Variants in LINGO2 observed in about 807,000 individuals in gnomAD.
The protein encoded by LINGO2 is leucine-rich repeat and immunoglobulin-like domain-containing nogo receptor-interacting protein 2.
In LINGO2, 14 loss-of-function variants were observed where a neutral mutation model predicts 30.6. That is an observed-to-expected ratio of 0.46 (90% CI 0.30 to 0.72). LINGO2 has a LOEUF of 0.72. LINGO2 is among the 30% of genes least tolerant of loss of function. The pLI is 0.07. For synonymous variants in LINGO2, 317 were observed against 288.5 expected, an observed-to-expected ratio of 1.10 and a Z score of -1.00; for missense variants, 729 against 751.7, an observed-to-expected ratio of 0.97 and a Z score of 0.35.
chr9:28,117,615 G>T (rs528700718), intron 4 of LINGO2, among the ~76,000 whole-genome samples: 8 of 117,938 alleles, frequency 6.8e-5, no homozygotes, highest in Middle Eastern at 7.2e-3. Flanking sequence ...GTCTCGTGGT[G>T]CGCCGTTTCT....
At chr9:28,420,601 G>A (rs1207976660) in intron 2 of LINGO2, among the ~76,000 whole-genome samples, 1 of 152,038 alleles carries the variant, frequency 6.6e-6, no homozygotes, top group Non-Finnish European at 1.5e-5. Context: ...GCTATTGCTG[G>A]GGAGGGGCCA....
intron 4 of LINGO2, among the ~76,000 whole-genome samples, chr9:28,248,638 A>G (rs1822088573): frequency 6.6e-6 from 1 of 152,202 alleles, no homozygotes; most frequent in Admixed American, 6.5e-5. Context: ...TTGTAACACA[A>G]AAGATAAATG....
At chr9:28,625,656 T>G (rs1171916557) in intron 1 of LINGO2, among the ~76,000 whole-genome samples, 1 of 152,060 alleles carries the variant, frequency 6.6e-6, no homozygotes, top group Non-Finnish European at 1.5e-5. Flanking sequence ...GGTATGCCCA[T>G]TTTTTTCCTT....
intron 5 of LINGO2, among the ~76,000 whole-genome samples, chr9:27,954,538 G>A (rs1819470023): frequency 6.6e-6 from 1 of 151,930 alleles, no homozygotes; most frequent in African/African-American, 2.4e-5. Flanking sequence ...CTTTCTTTTT[G>A]GTAGAATAGT....
intron 5 of LINGO2, among the ~76,000 whole-genome samples, chr9:27,989,942 AAAGAG>A (rs908196833): frequency 6.0e-4 from 92 of 152,148 alleles, no homozygotes; most frequent in Middle Eastern, 3.4e-3. Context: ...AAAGAAGGAA[AAAGAG>A]AAGAGAAGAG....
chr9:29,188,919 G>A, the LINGO2 span, among the ~76,000 whole-genome samples: 31 of 148,230 alleles, frequency 2.1e-4, no homozygotes, highest in African/African-American at 7.5e-4. Flanking sequence ...GGGCAGAGGC[G>A]CCCCTCACCT....
the LINGO2 span, among the ~76,000 whole-genome samples, chr9:28,700,434 G>C: frequency 5.3e-5 from 8 of 151,870 alleles, no homozygotes; most frequent in African/African-American, 1.9e-4. Flanking sequence ...TTAGAAGTAT[G>C]TTCCTCCATG....
intron 1 of LINGO2, among the ~76,000 whole-genome samples, chr9:28,533,368 TG>T (rs1293525719): frequency 6.6e-6 from 1 of 152,152 alleles, no homozygotes; most frequent in African/African-American, 2.4e-5. Flanking sequence ...TTCTTCAGCT[TG>T]CAGATGGCCT....
At chr9:28,796,214 T>C in the LINGO2 span, among the ~76,000 whole-genome samples, 3 of 152,080 alleles carry the variant, frequency 2.0e-5, no homozygotes, top group Admixed American at 2.0e-4. Context: ...GGATAGAGCT[T>C]CCAACAAAAT....
the LINGO2 span, among the ~76,000 whole-genome samples, chr9:28,833,525 G>A: frequency 6.6e-6 from 1 of 152,110 alleles, no homozygotes. Context: ...AAACTGACAT[G>A]TCAAACTAGT....
At chr9:28,551,407 T>C (rs1344975058) in intron 1 of LINGO2, among the ~76,000 whole-genome samples, 4 of 151,940 alleles carry the variant, frequency 2.6e-5, no homozygotes, top group Non-Finnish European at 2.9e-5. Flanking sequence ...TCTAAAGATA[T>C]ATAAAGTTAG....
chr9:28,641,057 G>A (rs181309380), intron 1 of LINGO2, among the ~76,000 whole-genome samples: 14 of 151,988 alleles, frequency 9.2e-5, no homozygotes, highest in South Asian at 2.1e-4. Flanking sequence ...TTGTTGAGAC[G>A]GAGTCTCACT....
chr9:28,498,463 C>A (rs191455270), intron 1 of LINGO2, among the ~76,000 whole-genome samples: 2 of 152,120 alleles, frequency 1.3e-5, no homozygotes, highest in Admixed American at 1.3e-4. Flanking sequence ...GAGCCAGGCA[C>A]GGGTTATAAT....
At chr9:29,199,584 G>C in the LINGO2 span, among the ~76,000 whole-genome samples, 2 of 152,058 alleles carry the variant, frequency 1.3e-5, no homozygotes, top group African/African-American at 2.4e-5. Flanking sequence ...ACACAGGAAA[G>C]GCTGACCAAC....
chr9:28,067,236 T>C (rs1198110118), intron 4 of LINGO2, among the ~76,000 whole-genome samples: 2 of 152,104 alleles, frequency 1.3e-5, no homozygotes, highest in African/African-American at 4.8e-5. Context: ...TGAATCTTAA[T>C]TAAGAAGACA....
intron 1 of LINGO2, among the ~76,000 whole-genome samples, chr9:28,613,616 T>C (rs1330697744): frequency 6.6e-6 from 1 of 152,088 alleles, no homozygotes; most frequent in Non-Finnish European, 1.5e-5. Context: ...GAGCCCATTG[T>C]TGGTGGGATA....
chr9:28,783,039 G>A, the LINGO2 span, among the ~76,000 whole-genome samples: 1 of 152,198 alleles, frequency 6.6e-6, no homozygotes, highest in Non-Finnish European at 1.5e-5. Context: ...AAAAGGTACA[G>A]TAAAAATATG....
the LINGO2 span, among the ~76,000 whole-genome samples, chr9:29,052,396 C>A: frequency 6.6e-6 from 1 of 152,006 alleles, no homozygotes; most frequent in Admixed American, 6.6e-5. Flanking sequence ...ATAATAAAGG[C>A]CTTTTACATG....
rs114079479 is a variant in LINGO2, at chr9:28,577,394, C to A, written c.-365+92806G>T. Among the ~76,000 whole-genome samples, 795 of 152,218 alleles carry A rather than the reference C, an allele frequency of 5.2e-3. 13 individuals carry two copies. The highest frequency in any genetic ancestry group is 0.018 in the African/African-American group (737 of 41,528). ...GACCCGACCAGTCCTGTGGCCCTCA[C>A]GTGTAAGTGGATTCAGCCCACGAGT... is the stretch of plus-strand genomic sequence containing the variant. On this transcript the variant is annotated intron_variant, in intron 1 of 5. Coordinates refer to ENST00000379992, the Ensembl canonical transcript of LINGO2.
Sources: allele counts gnomAD v4.1 joint callset (sites outside exome capture counted in the v4.1 genomes callset), GRCh38; gene constraint gnomAD v4.1.1; transcripts MANE v1.5; gene names NCBI Gene and HGNC (gene_info 2026-07-23, HGNC 2026-07-21).